Variants in CSMD1 observed in about 807,000 individuals in gnomAD.
The protein encoded by CSMD1 is CUB and sushi domain-containing protein 1.
A neutral mutation model predicts 417.5 loss-of-function variants in CSMD1; 213 were observed. The observed-to-expected ratio is 0.51, with a 90% confidence interval of 0.46 to 0.57. CSMD1 has a LOEUF of 0.57. Among genes scored for constraint, CSMD1 ranks in the 20% least tolerant of loss-of-function variants. The pLI is 0.00. For synonymous variants in CSMD1, 2,862 were observed against 1,736.8 expected, an observed-to-expected ratio of 1.65 and a Z score of -16.11; for missense variants, 6,923 against 4,529.7, an observed-to-expected ratio of 1.53 and a Z score of -15.17.
intron 4 of CSMD1, among the ~76,000 whole-genome samples, chr8:4,016,337 C>T (rs1033271619): frequency 7.9e-5 from 12 of 152,140 alleles, no homozygotes; most frequent in Non-Finnish European, 1.0e-4. Flanking sequence ...GACCAACTGA[C>T]TCTCAGACAT....
chr8:3,913,748 C>T (rs940779456), intron 5 of CSMD1, among the ~76,000 whole-genome samples: 6 of 152,058 alleles, frequency 3.9e-5, no homozygotes, highest in African/African-American at 1.4e-4. Context: ...GAATGTGGGT[C>T]ACAGGATGAG....
intron 5 of CSMD1, among the ~76,000 whole-genome samples, chr8:3,984,696 G>C (rs1563284693): frequency 8.3e-6 from 1 of 119,912 alleles, no homozygotes; most frequent in Non-Finnish European, 1.7e-5. Flanking sequence ...AGGATTCAGT[G>C]TATATATCAT....
chr8:4,402,828 T>G (rs1563136725), intron 3 of CSMD1, among the ~76,000 whole-genome samples: 13 of 109,108 alleles, frequency 1.2e-4, no homozygotes, highest in African/African-American at 4.2e-4. Context: ...TTTCTTTTTT[T>G]TTTTTTTTTG....
intron 1 of CSMD1, among the ~76,000 whole-genome samples, chr8:4,676,819 G>C (rs1272578590): frequency 2.0e-5 from 3 of 151,628 alleles, no homozygotes; most frequent in Admixed American, 1.3e-4. Flanking sequence ...AAATGGCTTT[G>C]AATGTTTTGT....
At chr8:3,975,266 T>C (rs1032421543) in intron 5 of CSMD1, among the ~76,000 whole-genome samples, 1 of 152,230 alleles carries the variant, frequency 6.6e-6, no homozygotes, top group Non-Finnish European at 1.5e-5. Context: ...GTATGAGAGC[T>C]TGGGGTTGTT....
chr8:3,051,991 TG>T (rs1323550224), intron 50 of CSMD1, among the ~76,000 whole-genome samples: 1 of 152,238 alleles, frequency 6.6e-6, no homozygotes, highest in African/African-American at 2.4e-5. Context: ...CTTTATTTAC[TG>T]AGCATCGATG....
At chr8:4,702,505 GA>G (rs1807639273) in intron 1 of CSMD1, among the ~76,000 whole-genome samples, 1 of 152,024 alleles carries the variant, frequency 6.6e-6, no homozygotes, top group African/African-American at 2.4e-5. Flanking sequence ...TAATAACAGG[GA>G]AAATAAAAAT....
intron 2 of CSMD1, among the ~76,000 whole-genome samples, chr8:4,455,373 G>C (rs1390569290): frequency 6.6e-6 from 1 of 152,102 alleles, no homozygotes; most frequent in African/African-American, 2.4e-5. Flanking sequence ...TGGAAAACTG[G>C]TCATCAACTC....
At chr8:4,365,324 A>G (rs1802000745) in intron 3 of CSMD1, among the ~76,000 whole-genome samples, 1 of 152,266 alleles carries the variant, frequency 6.6e-6, no homozygotes, top group Admixed American at 6.5e-5. Context: ...AAAACTGTAC[A>G]ACTAATTGAA....
intron 7 of CSMD1, among the ~76,000 whole-genome samples, chr8:3,668,618 G>A (rs555268078): frequency 1.0e-3 from 159 of 152,216 alleles, no homozygotes; most frequent in African/African-American, 3.7e-3. Flanking sequence ...AAGCCCTGGG[G>A]AGAAGAGACG....
intron 8 of CSMD1, among the ~76,000 whole-genome samples, chr8:3,606,190 T>C (rs1040563822): frequency 2.0e-5 from 3 of 152,134 alleles, no homozygotes; most frequent in African/African-American, 4.8e-5. Flanking sequence ...AGGACAGAGA[T>C]GGGCCAAGGT....
chr8:3,960,989 T>G (rs922967356), intron 5 of CSMD1, among the ~76,000 whole-genome samples: 1 of 150,924 alleles, frequency 6.6e-6, no homozygotes, highest in Non-Finnish European at 1.5e-5. Context: ...TAAAAATATA[T>G]TAAATTATCT....
At chr8:3,472,171 C>A (rs979698431) in intron 11 of CSMD1, among the ~76,000 whole-genome samples, 1 of 152,034 alleles carries the variant, frequency 6.6e-6, no homozygotes, top group African/African-American at 2.4e-5. Context: ...CTCTTTTAAC[C>A]CAATAACTTT....
At chr8:3,038,522 C>G (rs907851019) in intron 50 of CSMD1, among the ~76,000 whole-genome samples, 1 of 152,024 alleles carries the variant, frequency 6.6e-6, no homozygotes, top group Non-Finnish European at 1.5e-5. Context: ...ACTTCTAAAA[C>G]GTTCCTTAAA....
At chr8:4,154,562 G>C (rs992892024) in intron 3 of CSMD1, among the ~76,000 whole-genome samples, 1 of 152,170 alleles carries the variant, frequency 6.6e-6, no homozygotes, top group African/African-American at 2.4e-5. Context: ...TTCTAACGCC[G>C]TGAGCTGGGC....
chr8:3,900,511 C>T (rs1035413147), intron 5 of CSMD1, among the ~76,000 whole-genome samples: 2 of 151,796 alleles, frequency 1.3e-5, no homozygotes, highest in African/African-American at 4.8e-5. Context: ...GACAGTAGAG[C>T]TGGATGACAC....
chr8:3,459,635 C>G lies in CSMD1; in HGVS notation c.1561+9077G>C, dbSNP rs1290515039. 2.0e-5 allele frequency among the ~76,000 whole-genome samples: 3 copies of G among 152,188 alleles called. No homozygotes were observed. In the East Asian group the frequency reaches 5.8e-4, roughly 30 times the overall value. On this transcript the variant is annotated intron_variant, in intron 12 of 69. Transcript: ENST00000635120. ...AGCACCCACCACTGAAGGGTAACTC[C>G]CGGACGGTCCAGGGGAGGTGGACTC...
At chr8:4,574,238 A>G (rs1211752886) in intron 2 of CSMD1, among the ~76,000 whole-genome samples, 2 of 152,118 alleles carry the variant, frequency 1.3e-5, no homozygotes, top group African/African-American at 2.4e-5. Flanking sequence ...CTTGAAACCC[A>G]GGGCCCTGGT....
At chr8:4,437,564 G>C (rs1037870365) in intron 2 of CSMD1, among the ~76,000 whole-genome samples, 3 of 152,092 alleles carry the variant, frequency 2.0e-5, no homozygotes, top group African/African-American at 4.8e-5. Context: ...CAGATATCTT[G>C]AGCAGACTAT....
Sources: gnomAD v4.1 joint callset for allele counts (sites outside exome capture counted in the v4.1 genomes callset) on GRCh38, gnomAD v4.1.1 for gene constraint, MANE v1.5 for transcripts, NCBI Gene and HGNC (gene_info 2026-07-23, HGNC 2026-07-21) for gene names.